Variants in C12orf54 observed in about 807,000 individuals in gnomAD.
C12orf54 encodes chromosome 12 open reading frame 54.
C12orf54 carries 24 observed loss-of-function variants against 26.4 expected under a neutral mutation model. The observed-to-expected ratio is 0.91, with a 90% CI of 0.66 to 1.28. The LOEUF (loss-of-function observed/expected upper bound fraction) is 1.28. C12orf54 is among the 50% of genes most tolerant of loss of function. The probability of loss-of-function intolerance (pLI) is 0.00; values close to 1 mark genes in which losing one functional copy is unlikely to be tolerated. For missense variants in C12orf54, 154 were observed against 150.9 expected (o/e 1.02, Z -0.11); for synonymous variants, 54 against 47.0 (o/e 1.15, Z -0.61).
chr12:48,467,850 T>C, the C12orf54 span, among the ~76,000 whole-genome samples: 3 of 152,056 alleles, frequency 2.0e-5, no homozygotes, highest in Non-Finnish European at 4.4e-5. Context: ...AGTCTTTTGT[T>C]GGGGGGCCAT....
the C12orf54 span, among the ~76,000 whole-genome samples, chr12:48,463,031 T>G: frequency 6.6e-6 from 1 of 151,898 alleles, no homozygotes; most frequent in South Asian, 2.1e-4. Flanking sequence ...AATATATGAG[T>G]TTAGCAAGGT....
the C12orf54 span, among the ~76,000 whole-genome samples, chr12:48,415,384 A>G: frequency 0.14 from 20,593 of 152,152 alleles, 2,741 homozygotes; most frequent in East Asian, 0.67. Flanking sequence ...AACTTATCCT[A>G]GCTAGCTGAA....
chr12:48,443,360 A>G, the C12orf54 span, among the ~76,000 whole-genome samples: 1 of 152,170 alleles, frequency 6.6e-6, no homozygotes, highest in African/African-American at 2.4e-5. Context: ...TTTAGGTGGG[A>G]GCATGTTTGC....
chr12:48,416,385 T>G, the C12orf54 span, among the ~76,000 whole-genome samples: 8 of 152,250 alleles, frequency 5.3e-5, no homozygotes, highest in African/African-American at 1.9e-4. Context: ...CTCAAGTTTC[T>G]TCTGTGCCAA....
upstream of C12orf54, among the ~76,000 whole-genome samples, chr12:48,481,062 G>A (rs538531498): frequency 6.1e-5 from 2 of 32,614 alleles, no homozygotes; most frequent in South Asian, 3.1e-3. Flanking sequence ...AAGGGAGGGA[G>A]GGGGCAAAGA....
At chr12:48,487,408 C>A (rs1417801277) in intron 4 of C12orf54, among the ~76,000 whole-genome samples, 1 of 152,138 alleles carries the variant, frequency 6.6e-6, no homozygotes, top group Non-Finnish European at 1.5e-5. Context: ...TTGTGCCAGC[C>A]CCCACTGTAC....
the C12orf54 span, among the ~76,000 whole-genome samples, chr12:48,466,839 A>T: frequency 6.6e-6 from 1 of 152,306 alleles, no homozygotes; most frequent in Non-Finnish European, 1.5e-5. Flanking sequence ...CTATTTACCC[A>T]AAAGAAACAA....
the C12orf54 span, among the ~76,000 whole-genome samples, chr12:48,428,538 C>A: frequency 1.3e-5 from 2 of 152,150 alleles, no homozygotes; most frequent in Non-Finnish European, 2.9e-5. Context: ...CTACTATGAA[C>A]AACTTTATCC....
chr12:48,465,235 A>G, the C12orf54 span, among the ~76,000 whole-genome samples: 2 of 152,196 alleles, frequency 1.3e-5, no homozygotes, highest in Admixed American at 1.3e-4. Context: ...AAACAATCCC[A>G]TTAAAAAGTG....
At chr12:48,486,103 TAG>T in intron 2 of C12orf54, 73 bp from the exon 3 acceptor site, 1 of 1,388,786 alleles carries the variant, frequency 7.2e-7, no homozygotes, top group Non-Finnish European at 1.0e-6. Flanking sequence ...CTAGGAGTGA[TAG>T]AATAGAGTTA....
At chr12:48,414,210 T>G in the C12orf54 span, among the ~76,000 whole-genome samples, 1 of 152,256 alleles carries the variant, frequency 6.6e-6, no homozygotes, top group Non-Finnish European at 1.5e-5. Flanking sequence ...ATGAAAAGTC[T>G]GGAACAGTTG....
chr12:48,494,275 G>T (rs1043468958), intron 7 of C12orf54, among the ~76,000 whole-genome samples: 4 of 151,874 alleles, frequency 2.6e-5, no homozygotes, highest in Non-Finnish European at 5.9e-5. Context: ...AAATGGAAAA[G>T]GTGAACTCCC....
At chr12:48,479,641 T>C (rs185592427), upstream of C12orf54, among the ~76,000 whole-genome samples, 8 of 151,948 alleles carry the variant, frequency 5.3e-5, no homozygotes, top group East Asian at 1.5e-3. Context: ...GAAAAACTAA[T>C]GCAAAATTTT....
At chr12:48,466,442 G>A in the C12orf54 span, among the ~76,000 whole-genome samples, 1 of 152,072 alleles carries the variant, frequency 6.6e-6, no homozygotes, top group African/African-American at 2.4e-5. Flanking sequence ...CTACTCAGGA[G>A]GCTGAGGCAG....
At chr12:48,438,399 A>C in the C12orf54 span, among the ~76,000 whole-genome samples, 1 of 152,210 alleles carries the variant, frequency 6.6e-6, no homozygotes, top group Admixed American at 6.5e-5. Context: ...ATTGGAAAAA[A>C]CTACTTTAAA....
At chr12:48,425,544 G>A in the C12orf54 span, among the ~76,000 whole-genome samples, 1 of 152,046 alleles carries the variant, frequency 6.6e-6, no homozygotes, top group Non-Finnish European at 1.5e-5. Flanking sequence ...ACATATGTGT[G>A]CATGTGTCTT....
chr12:48,420,195 G>GT, the C12orf54 span, among the ~76,000 whole-genome samples: 1 of 152,072 alleles, frequency 6.6e-6, no homozygotes, highest in Non-Finnish European at 1.5e-5. Flanking sequence ...ATAATACCCA[G>GT]TGGGTGGGCA....
At chr12:48,486,638 T>G in intron 3 of C12orf54, 50 bp from the exon 4 acceptor site, 1 of 1,554,788 alleles carries the variant, frequency 6.4e-7, no homozygotes, top group Non-Finnish European at 8.9e-7. Flanking sequence ...CACTTCAGAT[T>G]CTGGGAGAGT....
At chr12:48,473,403 G>A in the C12orf54 span, 4 of 758,548 alleles carry the variant, frequency 5.3e-6, no homozygotes, top group Non-Finnish European at 8.9e-6. Context: ...TGAGGGAGAA[G>A]ACGATGCCTA....
Sources: gnomAD v4.1 joint callset for allele counts (sites outside exome capture counted in the v4.1 genomes callset) on GRCh38, gnomAD v4.1.1 for gene constraint, MANE v1.5 for transcripts, NCBI Gene and HGNC (gene_info 2026-07-23, HGNC 2026-07-21) for gene names.